Variants in LETM1 observed in about 807,000 individuals in gnomAD.
The protein encoded by LETM1 is leucine zipper and EF-hand containing transmembrane protein 1, also known as mitochondrial proton/calcium exchanger protein.
LETM1 carries 50 observed loss-of-function variants against 74.5 expected under a neutral mutation model. The ratio of observed to expected loss-of-function variants is 0.67; its 90% confidence interval spans 0.53 to 0.85. LETM1 has a LOEUF of 0.85. Among genes scored for constraint, LETM1 ranks in the 40% least tolerant of loss-of-function variants. The pLI is 0.00. For synonymous variants in LETM1, 446 were observed against 407.1 expected, an observed-to-expected ratio of 1.10 and a Z score of -1.15; for missense variants, 824 against 967.8, an observed-to-expected ratio of 0.85 and a Z score of 1.97.
intron 1 of LETM1, among the ~76,000 whole-genome samples, chr4:1,853,392 C>T (rs528379253): frequency 2.0e-5 from 3 of 152,398 alleles, no homozygotes; most frequent in Admixed American, 2.0e-4. Flanking sequence ...TCAAGGTCAA[C>T]ATCAACAGTG....
At position 1,836,545 on chromosome 4, in the gene LETM1, G is replaced by C; in HGVS notation, c.622C>G (p.Arg208Gly). The C allele has an allele frequency of 7.4e-6, 12 of 1,613,942 alleles. No individual in the cohort carries two copies. Among genetic ancestry groups the C allele is most frequent in the Non-Finnish European group, 1.0e-5 (12 of 1,180,004 alleles). ...ACGAACACAAGGAACGGCACCAGGC[G>C]GAAGAGGTCAGCGCAGATCCGGAGA... is the stretch of plus-strand genomic sequence containing the variant. ...QFLRICADLF[R>G]LVPFLVFVVV... is the part of the protein sequence containing the mutation. The change falls in exon 4 of 14, where the codon CGC (arginine) becomes GGC (glycine). Residue 208 changes from arginine (R) to glycine (G), a missense_variant. Physicochemically the swap from Arg to Gly is moderately radical, Grantham distance 125. Coordinates refer to ENST00000302787, the MANE Select transcript of LETM1 (RefSeq NM_012318.3). This position sits in a 1 kb window ranked among gnomAD's most constrained non-coding sequence, Gnocchi z 5.8.
intron 3 of LETM1, among the ~76,000 whole-genome samples, chr4:1,838,990 T>C (rs1260056148): frequency 2.6e-5 from 4 of 152,200 alleles, no homozygotes; most frequent in African/African-American, 7.2e-5. Flanking sequence ...AATAAACTAA[T>C]TGAGCTTCTA....
Position 1,822,321 on chromosome 4 carries a change from C to A in LETM1, c.1477-9G>T. 1.3e-6 allele frequency: 2 copies of A among 1,484,888 alleles called. No homozygotes were observed. Among genetic ancestry groups the A allele is most frequent in the Non-Finnish European group, 1.8e-6 (2 of 1,107,816 alleles). 92.0% of individuals were successfully genotyped at this position (1,484,888 alleles called of 1,614,324 possible). ...TCGGGCTCAAAATCCTTCTGAAAGG[C>A]AAGGCGACACCAGCCCAGCGCCCGC... On this transcript the variant is annotated splice_polypyrimidine_tract_variant and intron_variant, in intron 9 of 13. Transcript: ENST00000302787.
intron 13 of LETM1, 91 bp from the exon 14 acceptor site, chr4:1,814,664 T>C (rs1711506887): frequency 1.8e-6 from 2 of 1,129,526 alleles, no homozygotes; most frequent in African/African-American, 3.1e-5. Context: ...TCGCCCCAGC[T>C]GGGGTGGCAG....
At chr4:1,819,832 CG>C (rs1022819978) in intron 10 of LETM1, among the ~76,000 whole-genome samples, 5 of 152,238 alleles carry the variant, frequency 3.3e-5, no homozygotes, top group African/African-American at 1.2e-4. Flanking sequence ...ACTGCAGACT[CG>C]GGTGCACTTT....
intron 5 of LETM1, chr4:1,833,154 C>T: frequency 1.8e-6 from 1 of 566,280 alleles, no homozygotes; most frequent in Non-Finnish European, 3.2e-6. Context: ...TCACTGCAAC[C>T]TCCACCTCCT....
chr4:1,836,511 G>A lies in LETM1; in HGVS notation c.656C>T (p.Pro219Leu). ...LVPFLVFVVV[P>L]FMEFLLPVAV... ...AACAGGCAGCAGAAACTCCATGAAC[G>A]GCACCACCACGAACACAAGGAACGG... The change falls in exon 4 of 14, where the codon CCG (proline) becomes CTG (leucine). Residue 219 changes from proline to leucine, a missense_variant. By Grantham distance (98) the Pro-to-Leu change is moderately conservative. This residue lies in a region of LETM1 where 269 missense variants were observed against 348.8 expected (regional missense o/e 0.77). Transcript: ENST00000302787. This position sits in a 1 kb window ranked among gnomAD's most constrained non-coding sequence, Gnocchi z 5.8. The A allele has an allele frequency of 3.1e-6, 5 of 1,613,992 alleles. No homozygotes were observed. The highest frequency in any genetic ancestry group is 2.2e-5 in the South Asian group (2 of 91,064).
chr4:1,843,412 G>C (rs371801009), intron 2 of LETM1, among the ~76,000 whole-genome samples: 2 of 152,234 alleles, frequency 1.3e-5, no homozygotes, highest in African/African-American at 4.8e-5. Context: ...AGGGCAGTGC[G>C]GCTGGTGCAG....
intron 6 of LETM1, among the ~76,000 whole-genome samples, chr4:1,828,635 G>A (rs1712118537): frequency 7.5e-6 from 1 of 132,728 alleles, no homozygotes; most frequent in African/African-American, 3.1e-5. Flanking sequence ...GGGCGGCCGG[G>A]CAGAGGCGCC....
At chr4:1,832,656 T>C in intron 6 of LETM1, 88 bp downstream of exon 6, 1 of 1,310,338 alleles carries the variant, frequency 7.6e-7, no homozygotes, top group Non-Finnish European at 1.1e-6. Flanking sequence ...TCTTCCAGAG[T>C]TTCTACAATG....
Position 1,836,534 on chromosome 4 carries a change from C to A in LETM1, c.633G>T (p.Pro211=), listed in dbSNP as rs757539857. The A allele has an allele frequency of 1.2e-6, 2 of 1,613,746 alleles. No homozygotes were observed. Among genetic ancestry groups the A allele is most frequent in the Admixed American group, 1.7e-5 (1 of 59,984 alleles). ...ACGGCACCACCACGAACACAAGGAACGGCACCAGGCGGAAGAGGTCAGCGC... is the reference window on the plus strand; with the variant it reads ...ACGGCACCACCACGAACACAAGGAAAGGCACCAGGCGGAAGAGGTCAGCGC... ...RICADLFRLV[P]FLVFVVVPFM... Residue 211 remains proline, a synonymous_variant, in exon 4 of 14, where the codon CCG becomes CCT. Transcript: ENST00000302787. This position sits in a 1 kb window ranked among gnomAD's most constrained non-coding sequence, Gnocchi z 5.8.
At chr4:1,833,589 G>T (rs758380048) in intron 5 of LETM1, 1 of 157,354 alleles carries the variant, frequency 6.4e-6, no homozygotes, top group Non-Finnish European at 1.4e-5. Context: ...CTTGGGGGAG[G>T]GGTGGCCATC....
At chr4:1,817,044 G>A (rs939941721) in intron 11 of LETM1, 130 bp from the exon 12 acceptor site, 4 of 684,074 alleles carry the variant, frequency 5.8e-6, no homozygotes, top group South Asian at 1.8e-5. Flanking sequence ...TTAGGAGTTC[G>A]AGACCAGCCT....
chr4:1,821,458 G>A (rs964916990), intron 10 of LETM1, among the ~76,000 whole-genome samples: 1 of 151,676 alleles, frequency 6.6e-6, no homozygotes, highest in Non-Finnish European at 1.5e-5. Flanking sequence ...GGAGGCTGAG[G>A]CGGGAAGATC....
intron 9 of LETM1, chr4:1,822,601 C>T (rs1384373854): frequency 5.7e-6 from 2 of 348,192 alleles, no homozygotes; most frequent in Non-Finnish European, 1.0e-5. Context: ...TGTGGGTGGG[C>T]ACCATGCATG....
intron 1 of LETM1, 49 bp downstream of exon 1, chr4:1,855,820 C>T (rs1329320606): frequency 8.9e-7 from 1 of 1,127,760 alleles, no homozygotes; most frequent in Non-Finnish European, 1.1e-6. Flanking sequence ...TCCGCGCTCC[C>T]GACCCACCAG....
rs1711745769 is a variant in LETM1, at chr4:1,820,681, T to TA, written c.1609-1210dup. Among the ~76,000 whole-genome samples the TA allele has an allele frequency of 4.6e-5, 7 of 152,358 alleles. No homozygotes were observed. The South Asian group carries it at 1.4e-3, about 32-fold the overall frequency. On this transcript the variant is annotated intron_variant, in intron 10 of 13. Coordinates refer to ENST00000302787, the MANE Select transcript of LETM1 (RefSeq NM_012318.3). Reference sequence around the variant, plus strand: ...CAGGCTCTTTCTGCAGCTACCAAGATAAACATTCCCAGCTTTTCTAATTTA... The same window carrying TA: ...CAGGCTCTTTCTGCAGCTACCAAGATAAAACATTCCCAGCTTTTCTAATTTA...
Position 1,814,132 on chromosome 4 carries a change from T to G in LETM1, c.*292A>C. 3 of 425,702 alleles carry G rather than the reference T, an allele frequency of 7.0e-6. No homozygotes were observed. The highest frequency in any genetic ancestry group is 7.2e-4 in the Middle Eastern group (1 of 1,380). The allele number at this position is 425,702 out of a possible 1,614,324, so 26.4% of individuals were successfully genotyped here. A position where few individuals can be genotyped will look rare whatever the true frequency, so the allele number is the denominator to read the frequency against. On this transcript the variant is annotated 3_prime_UTR_variant, in exon 14 of 14. Transcript: ENST00000302787. ...GATGCTGAGACTGAGGCCACACACA[T>G]GGGGGCGCCTTCCTGCCTTGGCCCA... is the stretch of plus-strand genomic sequence containing the variant.
chr4:1,855,467 C>G (rs149247448), intron 1 of LETM1, among the ~76,000 whole-genome samples: 3 of 152,240 alleles, frequency 2.0e-5, no homozygotes, highest in Admixed American at 2.0e-4. Flanking sequence ...AGGTCCTGCT[C>G]GCCGGTGTCT....
Sources: gnomAD v4.1 joint callset for allele counts (sites outside exome capture counted in the v4.1 genomes callset) on GRCh38, gnomAD v4.1.1 for gene constraint, gnomAD v4.1.1 regional missense constraint, Gnocchi (gnomAD v3.1) non-coding constraint, MANE v1.5 for transcripts, NCBI Gene and HGNC (gene_info 2026-07-23, HGNC 2026-07-21) for gene names.